The following TEC variants were observed in gnomAD, a reference collection of about 807,000 sequenced individuals.
TEC encodes tec protein tyrosine kinase, also known as tyrosine-protein kinase Tec.
TEC carries 72 observed loss-of-function variants against 93.0 expected under a neutral mutation model. The observed-to-expected ratio is 0.77, with a 90% CI of 0.64 to 0.94. TEC has a LOEUF of 0.94. Among genes scored for constraint, TEC ranks in the 40% least tolerant of loss-of-function variants. The pLI, the probability that TEC is intolerant of heterozygous loss-of-function variation, is 0.00. For synonymous variants in TEC, 249 were observed against 247.7 expected, an observed-to-expected ratio of 1.01 and a Z score of -0.05; for missense variants, 630 against 757.9, an observed-to-expected ratio of 0.83 and a Z score of 1.98.
At chr4:48,198,370 C>T (rs1722376397) in intron 2 of TEC, among the ~76,000 whole-genome samples, 2 of 152,194 alleles carry the variant, frequency 1.3e-5, no homozygotes, top group East Asian at 3.8e-4. Context: ...AGGCATAAAA[C>T]CATCCTCCAG....
chr4:48,212,110 A>AAAAAAAAAAAAAAAT lies in TEC; in HGVS notation c.138+16366_138+16367insATTTTTTTTTTTTTT. ...TGAGACTCTGTCTCAAAAAAAAAAA[A>AAAAAAAAAAAAAAAT]ATATATATATATATATATATATGTA... On this transcript the variant is annotated intron_variant, in intron 2 of 17. Transcript: ENST00000381501. Among the ~76,000 whole-genome samples the AAAAAAAAAAAAAAAT allele has an allele frequency of 1.5e-3, 184 of 122,180 alleles. 1 individual carries two copies. The highest frequency in any genetic ancestry group is 0.013 in the East Asian group (57 of 4,370). 80.2% of individuals were successfully genotyped at this position (122,180 alleles called of 152,430 possible).
intron 1 of TEC, among the ~76,000 whole-genome samples, chr4:48,253,039 T>C (rs7669018): frequency 0.75 from 114,527 of 152,120 alleles, 43,842 homozygotes; most frequent in Middle Eastern, 0.9. Flanking sequence ...GCTTCCCAAC[T>C]TCATTTGATC....
chr4:48,138,859 A>C, intron 16 of TEC, 37 bp from the exon 17 acceptor site: 1 of 1,613,714 alleles, frequency 6.2e-7, no homozygotes, highest in Non-Finnish European at 8.5e-7. Context: ...GGATGTATCC[A>C]CTTTCTCCTC....
At chr4:48,183,785 C>T (rs1721693235) in intron 2 of TEC, among the ~76,000 whole-genome samples, 2 of 152,166 alleles carry the variant, frequency 1.3e-5, no homozygotes, top group African/African-American at 2.4e-5. Context: ...TCCTCATATA[C>T]ATCTATATGT....
chr4:48,167,821 C>T lies in TEC; in HGVS notation c.628G>A (p.Glu210Lys), dbSNP rs777431361. The change falls in exon 7 of 18, where the codon GAA (glutamate) becomes AAA (lysine). Residue 210 changes from glutamate (E) to lysine (K), a missense_variant. By Grantham distance (56) the Glu-to-Lys change is moderately conservative (BLOSUM62 1). This residue lies in a region of TEC where 335 missense variants were observed against 351.5 expected (regional missense o/e 0.95). Transcript: ENST00000381501. The stretch of plus-strand genomic sequence containing the variant: ...CTCCACCAATGAACATCATTCTTTT[C>T]TAAAATGAGATACTCTTGGCCTCTC... ...LERGQEYLIL[E>K]KNDVHWWRAR... The T allele has an allele frequency of 6.2e-7, 1 of 1,613,878 alleles. No homozygotes were observed. The highest frequency in any genetic ancestry group is 1.1e-5 in the South Asian group (1 of 91,070).
chr4:48,263,137 C>T (rs569158715), intron 1 of TEC, among the ~76,000 whole-genome samples: 4 of 152,152 alleles, frequency 2.6e-5, no homozygotes, highest in Non-Finnish European at 4.4e-5. Context: ...CGGCAGGGTA[C>T]ATCAGCCCAG....
At chr4:48,240,808 T>A (rs1723903504) in intron 1 of TEC, among the ~76,000 whole-genome samples, 1 of 151,728 alleles carries the variant, frequency 6.6e-6, no homozygotes, top group Non-Finnish European at 1.5e-5. Flanking sequence ...AAGGTCGGCA[T>A]CATAACTGGA....
chr4:48,162,995 A>C (rs535622763), intron 8 of TEC, among the ~76,000 whole-genome samples: 1 of 152,202 alleles, frequency 6.6e-6, no homozygotes, highest in Non-Finnish European at 1.5e-5. Flanking sequence ...GATCCAGTTT[A>C]AGATAAGAAA....
intron 1 of TEC, among the ~76,000 whole-genome samples, chr4:48,246,356 G>A (rs1365319951): frequency 6.6e-6 from 1 of 151,966 alleles, no homozygotes; most frequent in African/African-American, 2.4e-5. Context: ...CTTCCCAAAT[G>A]GATCTACAGA....
intron 3 of TEC, among the ~76,000 whole-genome samples, chr4:48,175,247 ATAATTCCAACG>A (rs1721275713): frequency 6.6e-6 from 1 of 152,248 alleles, no homozygotes; most frequent in African/African-American, 2.4e-5. Context: ...TGGTAAATGT[ATAATTCCAACG>A]TAATTGATAA....
chr4:48,209,165 T>C (rs1722810232), intron 2 of TEC, among the ~76,000 whole-genome samples: 2 of 152,268 alleles, frequency 1.3e-5, no homozygotes, highest in Non-Finnish European at 2.9e-5. Context: ...TTGAATGTTC[T>C]TGTTTAGCAC....
At chr4:48,143,227 A>T (rs1719759656) in intron 14 of TEC, among the ~76,000 whole-genome samples, 1 of 152,224 alleles carries the variant, frequency 6.6e-6, no homozygotes, top group African/African-American at 2.4e-5. Flanking sequence ...TACCAAGGAG[A>T]CAAGAGCATC....
intron 8 of TEC, among the ~76,000 whole-genome samples, chr4:48,161,598 CTTTT>C (rs34780131): frequency 2.3e-4 from 30 of 130,102 alleles, no homozygotes; most frequent in Admixed American, 3.1e-4. Flanking sequence ...CTGCCAGAGG[CTTTT>C]TTTTTTTTTT....
At chr4:48,264,342 C>A (rs1695382731) in intron 1 of TEC, among the ~76,000 whole-genome samples, 1 of 152,184 alleles carries the variant, frequency 6.6e-6, no homozygotes, top group Admixed American at 6.5e-5. Context: ...CTTCTCTACC[C>A]CAGCAAAAAA....
At chr4:48,265,806 C>G (rs1724627028) in intron 1 of TEC, among the ~76,000 whole-genome samples, 1 of 152,104 alleles carries the variant, frequency 6.6e-6, no homozygotes, top group Non-Finnish European at 1.5e-5. Flanking sequence ...AGCCACTGCG[C>G]CCGGCCACCA....
At position 48,219,804 on chromosome 4, in the gene TEC, TCTC is replaced by T. The variant is rs1723198214; in HGVS notation, c.138+8670_138+8672del. On this transcript the variant is annotated intron_variant, in intron 2 of 17. Transcript: ENST00000381501. The stretch of plus-strand genomic sequence containing the variant: ...CCCAGCCATTCGGGGCCACTACTGG[TCTC>T]CGTGTCTTGATGGTAGTGGTCCCCC... Among the ~76,000 whole-genome samples the T allele has an allele frequency of 2.0e-5, 3 of 152,236 alleles. No homozygotes were observed. The Middle Eastern group carries it at 0.01, about 518-fold the overall frequency.
intron 1 of TEC, among the ~76,000 whole-genome samples, chr4:48,239,735 T>C (rs1474826412): frequency 2.6e-5 from 4 of 152,110 alleles, no homozygotes; most frequent in Non-Finnish European, 1.5e-5. Context: ...CAATTTTTTT[T>C]TACAAATGAG....
rs1553894220 is a variant in TEC, at chr4:48,230,102, T to TAATAAA, written c.-45-1444_-45-1443insTTTATT. 2.7e-3 allele frequency among the ~76,000 whole-genome samples: 310 copies of TAATAAA among 115,864 alleles called. 1 individual carries two copies. Among genetic ancestry groups the TAATAAA allele is most frequent in the African/African-American group, 9.6e-3 (304 of 31,750 alleles). 76.0% of individuals were successfully genotyped at this position (115,864 alleles called of 152,430 possible). On this transcript the variant is annotated intron_variant, in intron 1 of 17. Transcript: ENST00000381501. ...ATAATAATAATAATAATAATAATAA[T>TAATAAA]AAATAAATAACTGCATATTAAAGGA... is the stretch of plus-strand genomic sequence containing the variant.
intron 11 of TEC, among the ~76,000 whole-genome samples, chr4:48,149,062 T>C (rs1247879890): frequency 2.6e-5 from 4 of 152,230 alleles, no homozygotes; most frequent in Non-Finnish European, 5.9e-5. Context: ...ATTTTCTTTA[T>C]CCTGTCTATC....
Sources: gnomAD v4.1 joint callset for allele counts (sites outside exome capture counted in the v4.1 genomes callset) on GRCh38, gnomAD v4.1.1 for gene constraint, gnomAD v4.1.1 regional missense constraint, MANE v1.5 for transcripts, NCBI Gene and HGNC (gene_info 2026-07-23, HGNC 2026-07-21) for gene names.